ADARB2: variants seen among roughly 807,000 people sequenced by gnomAD.
ADARB2 encodes adenosine deaminase RNA specific B2 (inactive), also known as inactive double-stranded RNA-specific editase B2.
ADARB2 carries 25 observed loss-of-function variants against 62.2 expected under a neutral mutation model. That is an observed-to-expected ratio of 0.40 (90% CI 0.29 to 0.56). The LOEUF (loss-of-function observed/expected upper bound fraction) is 0.56. Among genes scored for constraint, ADARB2 ranks in the 20% least tolerant of loss-of-function variants. ADARB2 has a pLI of 0.43. For synonymous variants in ADARB2, 572 were observed against 500.8 expected (o/e 1.14, Z -1.90); for missense variants, 1,071 against 1,077.4 (o/e 0.99, Z 0.08).
intron 2 of ADARB2, among the ~76,000 whole-genome samples, chr10:1,367,136 C>T (rs1274825262): frequency 6.6e-6 from 1 of 152,100 alleles, no homozygotes; most frequent in African/African-American, 2.4e-5. Context: ...AAATCAGGCA[C>T]CTTTGCGAGG....
rs530722722 is a variant in ADARB2 at position 1,507,458 on chromosome 10, C to A, written c.101-128298G>T. Among the ~76,000 whole-genome samples the A allele has an allele frequency of 2.6e-3, 393 of 152,360 alleles. No individual in the cohort carries two copies. The Middle Eastern group carries it at 0.034, about 13-fold the overall frequency. ...CACACCCCAGCTTCTGCTCACACTG[C>A]CCTTCAAGGCCCCTCGTGAGCACAC... On this transcript the variant is annotated intron_variant, in intron 1 of 9. Coordinates refer to ENST00000381312, the MANE Select transcript of ADARB2 (RefSeq NM_018702.4).
chr10:1,271,086 C>A lies in ADARB2; in HGVS notation c.1078-17G>T, dbSNP rs1199355476. 1 of 1,607,976 alleles carries A rather than the reference C, an allele frequency of 6.2e-7. No homozygotes were observed. Reference sequence around the variant, plus strand: ...TGCGAATTCCTGAAAGACACAAGCACAGGCCTCCACGTTGGGCTGAGCAGG... The same window carrying A: ...TGCGAATTCCTGAAAGACACAAGCAAAGGCCTCCACGTTGGGCTGAGCAGG... On this transcript the variant is annotated splice_polypyrimidine_tract_variant and intron_variant, in intron 3 of 9. Transcript: ENST00000381312.
chr10:1,383,788 C>A (rs546735597), intron 1 of ADARB2, among the ~76,000 whole-genome samples: 4 of 152,350 alleles, frequency 2.6e-5, no homozygotes, highest in Admixed American at 2.6e-4. Flanking sequence ...CTCAGCACGT[C>A]CCAGGCTTCC....
chr10:1,286,591 T>C (rs1011353662), intron 3 of ADARB2, among the ~76,000 whole-genome samples: 1 of 152,174 alleles, frequency 6.6e-6, no homozygotes, highest in African/African-American at 2.4e-5. Flanking sequence ...GCCCTAAACT[T>C]GGGATCAGAA....
At chr10:1,309,536 T>C (rs1010204711) in intron 3 of ADARB2, among the ~76,000 whole-genome samples, 6 of 152,190 alleles carry the variant, frequency 3.9e-5, no homozygotes, top group Admixed American at 3.9e-4. Context: ...GTTTCTGGCT[T>C]AGGTTTAATA....
At chr10:1,343,837 C>G (rs1832054093) in intron 3 of ADARB2, among the ~76,000 whole-genome samples, 1 of 152,066 alleles carries the variant, frequency 6.6e-6, no homozygotes, top group East Asian at 1.9e-4. Flanking sequence ...CCTATGGCCA[C>G]AAATGGGGGA....
intron 8 of ADARB2, chr10:1,199,610 CCTGTGGGCGGCCAGGTGGGCAGGT>C: frequency 4.3e-6 from 1 of 231,238 alleles, no homozygotes; most frequent in Non-Finnish European, 8.2e-6. Context: ...AGCATCGCCT[CCTGTGGGCGGCCAGGTGGGCAGGT>C]GGGCAGGTGG....
At chr10:1,466,158 C>A (rs141331537) in intron 1 of ADARB2, among the ~76,000 whole-genome samples, 1 of 152,358 alleles carries the variant, frequency 6.6e-6, no homozygotes, top group Non-Finnish European at 1.5e-5. Context: ...TGTTCTTACA[C>A]CAAAGCTCCC....
intron 1 of ADARB2, among the ~76,000 whole-genome samples, chr10:1,677,911 A>C (rs567665157): frequency 6.6e-6 from 1 of 152,156 alleles, no homozygotes; most frequent in South Asian, 2.1e-4. Context: ...TTTAGCATGT[A>C]TTTTGTATTC....
intron 1 of ADARB2, among the ~76,000 whole-genome samples, chr10:1,409,054 C>G (rs1832731897): frequency 6.6e-6 from 1 of 152,212 alleles, no homozygotes; most frequent in African/African-American, 2.4e-5. Flanking sequence ...CCTGCTCACT[C>G]CTCAGGCTGA....
intron 8 of ADARB2, among the ~76,000 whole-genome samples, chr10:1,189,922 C>T (rs1361425753): frequency 1.4e-5 from 2 of 146,582 alleles, no homozygotes; most frequent in Admixed American, 6.7e-5. Flanking sequence ...CGTGGCGCTA[C>T]CTCCTTCCCC....
chr10:1,214,778 A>G (rs1837211457), intron 7 of ADARB2, among the ~76,000 whole-genome samples: 1 of 152,248 alleles, frequency 6.6e-6, no homozygotes, highest in Admixed American at 6.5e-5. Context: ...AAAACATTGT[A>G]AAGGAAGAAT....
chr10:1,730,391 T>C (rs1244110838), intron 1 of ADARB2, among the ~76,000 whole-genome samples: 1 of 152,204 alleles, frequency 6.6e-6, no homozygotes, highest in African/African-American at 2.4e-5. Flanking sequence ...TTGTACACAG[T>C]GTGGCCCTCT....
chr10:1,435,000 A>G (rs1396905086), intron 1 of ADARB2, among the ~76,000 whole-genome samples: 1 of 152,214 alleles, frequency 6.6e-6, no homozygotes, highest in Admixed American at 6.5e-5. Flanking sequence ...TGGTCCGGGA[A>G]CAAGGGCACT....
At chr10:1,488,488 G>T (rs1000171631) in intron 1 of ADARB2, among the ~76,000 whole-genome samples, 4 of 152,270 alleles carry the variant, frequency 2.6e-5, no homozygotes, top group Admixed American at 1.3e-4. Flanking sequence ...AAATAGACAA[G>T]TGGCCAAATT....
chr10:1,405,124 G>A (rs1308256754), intron 1 of ADARB2, among the ~76,000 whole-genome samples: 1 of 152,216 alleles, frequency 6.6e-6, no homozygotes, highest in African/African-American at 2.4e-5. Context: ...AGGTAACGGG[G>A]CAGAGGTAAC....
At chr10:1,262,477 T>A (rs983346996) in intron 4 of ADARB2, among the ~76,000 whole-genome samples, 2 of 151,874 alleles carry the variant, frequency 1.3e-5, no homozygotes, top group Non-Finnish European at 2.9e-5. Context: ...TGGGCGAAGG[T>A]ATGAACAGAC....
rs74532044 is a variant in ADARB2, at chr10:1,508,164, G to C, written c.101-129004C>G. On this transcript the variant is annotated intron_variant, in intron 1 of 9. Transcript: ENST00000381312. ...GCGAGACCTTGACACTGGTGTTGGC[G>C]TTGGATGAATAGGATGCGTTTGAGG... Among the ~76,000 whole-genome samples the C allele has an allele frequency of 7.5e-4, 114 of 152,280 alleles. 3 individuals carry two copies. In the East Asian group the frequency reaches 0.02, roughly 27 times the overall value.
intron 6 of ADARB2, among the ~76,000 whole-genome samples, chr10:1,218,463 T>C (rs141109660): frequency 2.0e-4 from 30 of 152,366 alleles, no homozygotes; most frequent in Admixed American, 5.9e-4. Flanking sequence ...ATACATATGA[T>C]AACGTAAGTG....
Sources: allele counts gnomAD v4.1 joint callset (sites outside exome capture counted in the v4.1 genomes callset), GRCh38; gene constraint gnomAD v4.1.1; transcripts MANE v1.5; gene names NCBI Gene and HGNC (gene_info 2026-07-23, HGNC 2026-07-21).